Variants in ADGRL3 observed in about 807,000 individuals in gnomAD.
ADGRL3 encodes calcium-independent alpha-latrotoxin receptor 3.
In ADGRL3, 62 loss-of-function variants were observed where a neutral mutation model predicts 153.5. The ratio of observed to expected loss-of-function variants is 0.40; its 90% CI spans 0.33 to 0.50. ADGRL3 has a LOEUF of 0.50. Among genes scored for constraint, ADGRL3 ranks in the 20% least tolerant of loss-of-function variants. The pLI, the probability that ADGRL3 is intolerant of heterozygous loss-of-function variation, is 0.47. For missense variants in ADGRL3, 1,641 were observed against 1,859.4 expected (o/e 0.88, Z 2.16); for synonymous variants, 710 against 672.5 (o/e 1.06, Z -0.86).
chr4:61,961,623 A>G (rs2098988115), intron 17 of ADGRL3, among the ~76,000 whole-genome samples: 1 of 152,146 alleles, frequency 6.6e-6, no homozygotes, highest in Admixed American at 6.5e-5. Context: ...TAAAAGTTAT[A>G]TGTATTTTCC....
intron 6 of ADGRL3, among the ~76,000 whole-genome samples, chr4:61,692,132 A>G (rs368984763): frequency 6.6e-6 from 1 of 152,232 alleles, no homozygotes; most frequent in African/African-American, 2.4e-5. Flanking sequence ...CTAATAGTAG[A>G]TGCTGTTCAT....
chr4:61,432,634 CTTTCTTTCTTTCTTTCTTTCTTTTTTTT>C (rs2097380119), intron 2 of ADGRL3, among the ~76,000 whole-genome samples: 2 of 32,562 alleles, frequency 6.1e-5, no homozygotes, highest in East Asian at 6.0e-4. Context: ...TTCTTTCTTT[CTTTCTTTCTTTCTTTCTTTCTTTTTTTT>C]TTTTTTTTGA....
chr4:61,762,076 A>C (rs1414615375), intron 8 of ADGRL3, among the ~76,000 whole-genome samples: 1 of 152,244 alleles, frequency 6.6e-6, no homozygotes, highest in Admixed American at 6.5e-5. Context: ...TTTTCAGAGA[A>C]GAATCTGAGT....
At chr4:61,560,796 T>C (rs1579537851) in intron 4 of ADGRL3, among the ~76,000 whole-genome samples, 1 of 152,264 alleles carries the variant, frequency 6.6e-6, no homozygotes, top group East Asian at 1.9e-4. Context: ...ATTTCCCTAT[T>C]TATGTCAATA....
chr4:61,630,648 CA>C (rs1470732423), intron 5 of ADGRL3, among the ~76,000 whole-genome samples: 1 of 152,192 alleles, frequency 6.6e-6, no homozygotes, highest in Admixed American at 6.5e-5. Flanking sequence ...ATCATGTTTA[CA>C]TGTCTGTAAT....
At chr4:61,649,321 T>C (rs1169935160) in intron 5 of ADGRL3, among the ~76,000 whole-genome samples, 2 of 152,034 alleles carry the variant, frequency 1.3e-5, no homozygotes, top group Admixed American at 6.6e-5. Context: ...AAGATGTAGG[T>C]TTATAATTAA....
intron 2 of ADGRL3, among the ~76,000 whole-genome samples, chr4:61,408,765 A>C (rs2097039383): frequency 6.6e-6 from 1 of 152,090 alleles, no homozygotes; most frequent in South Asian, 2.1e-4. Flanking sequence ...TTGAGTTATA[A>C]CCTGATTTTT....
At chr4:62,000,415 G>T (rs2099136044) in intron 21 of ADGRL3, among the ~76,000 whole-genome samples, 1 of 151,802 alleles carries the variant, frequency 6.6e-6, no homozygotes, top group Admixed American at 6.6e-5. Flanking sequence ...GGTAATGTGG[G>T]TGAATCTTTA....
intron 4 of ADGRL3, among the ~76,000 whole-genome samples, chr4:61,536,424 C>T (rs1579395760): frequency 6.6e-6 from 1 of 152,078 alleles, no homozygotes; most frequent in South Asian, 2.1e-4. Context: ...AGTTTAAGTC[C>T]TGAGTTTCTT....
intron 5 of ADGRL3, among the ~76,000 whole-genome samples, chr4:61,668,318 G>T (rs1369574676): frequency 1.3e-5 from 2 of 152,162 alleles, no homozygotes; most frequent in African/African-American, 4.8e-5. Context: ...TTTCCCCAAA[G>T]CTTCCTTATG....
At chr4:61,205,561 G>T (rs1323203493) in intron 1 of ADGRL3, among the ~76,000 whole-genome samples, 1 of 152,084 alleles carries the variant, frequency 6.6e-6, no homozygotes, top group Non-Finnish European at 1.5e-5. Context: ...TTTATTATTT[G>T]TTTGCCCACA....
chr4:61,746,827 AG>A (rs1416943380), intron 8 of ADGRL3, among the ~76,000 whole-genome samples: 1 of 152,126 alleles, frequency 6.6e-6, no homozygotes, highest in Admixed American at 6.5e-5. Flanking sequence ...CACATTCAAA[AG>A]CTAGCAGAAG....
At chr4:61,688,103 A>T (rs1350117665) in intron 6 of ADGRL3, among the ~76,000 whole-genome samples, 1 of 152,238 alleles carries the variant, frequency 6.6e-6, no homozygotes, top group African/African-American at 2.4e-5. Context: ...TTGGTTCTTC[A>T]TACTATATAT....
Position 61,397,532 on chromosome 4 carries a change from CT to C in ADGRL3, c.-174+14347del, listed in dbSNP as rs544937582. ...AGAGAGTTATGAGTTGAAAGCATCT[CT>C]TTTAGCTCTCAATTCCTGGTTTGCT... On this transcript the variant is annotated intron_variant, in intron 2 of 26. Coordinates refer to ENST00000683033, the MANE Select transcript of ADGRL3 (RefSeq NM_001387552.1). 1.8e-3 allele frequency among the ~76,000 whole-genome samples: 272 copies of C among 152,036 alleles called. 2 individuals are homozygous for C. The highest frequency in any genetic ancestry group is 6.3e-3 in the African/African-American group (263 of 41,538).
chr4:61,378,659 G>T (rs530905497), intron 1 of ADGRL3, among the ~76,000 whole-genome samples: 1 of 151,900 alleles, frequency 6.6e-6, no homozygotes, highest in Non-Finnish European at 1.5e-5. Context: ...TTTGGAGTAG[G>T]GTGGTGTCAA....
At chr4:61,819,758 C>T (rs560773318) in intron 9 of ADGRL3, among the ~76,000 whole-genome samples, 39 of 152,130 alleles carry the variant, frequency 2.6e-4, no homozygotes, top group African/African-American at 9.4e-4. Context: ...GATACTTTGC[C>T]ATTTTATTCT....
intron 1 of ADGRL3, among the ~76,000 whole-genome samples, chr4:61,291,665 TGAGA>T (rs1014812556): frequency 6.6e-5 from 7 of 106,360 alleles, no homozygotes; most frequent in East Asian, 5.7e-4. Flanking sequence ...AGAGAAAGAG[TGAGA>T]GAGAGAAAAT....
At chr4:61,574,362 A>G (rs2098855109) in intron 4 of ADGRL3, among the ~76,000 whole-genome samples, 1 of 151,972 alleles carries the variant, frequency 6.6e-6, no homozygotes, top group Non-Finnish European at 1.5e-5. Context: ...AAAATTTATT[A>G]ATTTATCACT....
chr4:61,741,463 T>A (rs1270200671), intron 8 of ADGRL3, among the ~76,000 whole-genome samples: 4 of 152,212 alleles, frequency 2.6e-5, no homozygotes, highest in African/African-American at 9.6e-5. Context: ...GAGCCCCTTC[T>A]TTTTCTTTCC....
Sources: allele counts gnomAD v4.1 joint callset (sites outside exome capture counted in the v4.1 genomes callset), GRCh38; gene constraint gnomAD v4.1.1; transcripts MANE v1.5; gene names NCBI Gene and HGNC (gene_info 2026-07-23, HGNC 2026-07-21).